The following ST18 variants were observed in gnomAD, a reference collection of about 807,000 sequenced individuals.
ST18 encodes the protein suppression of tumorigenicity 18 protein.
Under a neutral mutation model 110.0 loss-of-function variants are expected in ST18, and 50 were observed. The observed-to-expected ratio is 0.45, with a 90% CI of 0.36 to 0.58. The LOEUF (loss-of-function observed/expected upper bound fraction) is 0.58. Among genes scored for constraint, ST18 ranks in the 20% least tolerant of loss-of-function variants. ST18 has a pLI of 0.00. For missense variants in ST18, 1,306 were observed against 1,280.1 expected, an observed-to-expected ratio of 1.02 and a Z score of -0.31; for synonymous variants, 461 against 452.4, an observed-to-expected ratio of 1.02 and a Z score of -0.24.
intron 16 of ST18, among the ~76,000 whole-genome samples, chr8:52,147,292 CAAAA>C (rs2057580587): frequency 1.3e-5 from 2 of 151,932 alleles, no homozygotes; most frequent in Admixed American, 1.3e-4. Context: ...TGAAATTAAG[CAAAA>C]AACAAGATTA....
chr8:52,379,344 T>C (rs1332611221), intron 2 of ST18, among the ~76,000 whole-genome samples: 2 of 150,332 alleles, frequency 1.3e-5, no homozygotes, highest in African/African-American at 5.0e-5. Flanking sequence ...GTGAACCACC[T>C]GCCTTGGCCT....
chr8:52,252,775 GCCACATAATAATCA>G (rs1177834487), intron 2 of ST18, among the ~76,000 whole-genome samples: 2 of 151,898 alleles, frequency 1.3e-5, no homozygotes, highest in Non-Finnish European at 2.9e-5. Flanking sequence ...AGCCAAGAAG[GCCACATAATAATCA>G]CCACTGAGTA....
intron 2 of ST18, among the ~76,000 whole-genome samples, chr8:52,328,355 G>T (rs986715947): frequency 6.6e-6 from 1 of 152,168 alleles, no homozygotes; most frequent in Non-Finnish European, 1.5e-5. Flanking sequence ...ATATGGCCAC[G>T]AGGCTTAGAC....
chr8:52,292,872 T>C (rs2095576819), intron 2 of ST18, among the ~76,000 whole-genome samples: 1 of 152,160 alleles, frequency 6.6e-6, no homozygotes, highest in South Asian at 2.1e-4. Flanking sequence ...TCCCTTCCAA[T>C]AAAGAAGGGA....
Position 52,118,349 on chromosome 8 carries a change from G to A in ST18, c.2848C>T (p.Leu950Phe). 6.2e-7 allele frequency: 1 copy of A among 1,602,768 alleles called. No homozygotes were observed. The highest frequency in any genetic ancestry group is 2.2e-5 in the East Asian group (1 of 44,666). ...NLKIEADMMK[L>F]QTQITSMESN... ...CTTCTTTTTTTTACCTGGGTCTGAA[G>A]TTTCATCATATCTGCTTCAATTTTA... is the stretch of plus-strand genomic sequence containing the variant. Residue 950 changes from leucine (L) to phenylalanine (F), a missense_variant, in exon 24 of 26, where the codon CTT becomes TTT. By Grantham distance (22) the Leu-to-Phe change is conservative (BLOSUM62 0). Transcript: ENST00000689386.
At chr8:52,241,884 T>A (rs184974551) in intron 2 of ST18, among the ~76,000 whole-genome samples, 1 of 152,324 alleles carries the variant, frequency 6.6e-6, no homozygotes, top group East Asian at 1.9e-4. Context: ...CTTCCTTTTT[T>A]TTTTCCATTA....
intron 25 of ST18, 46 bp from the exon 26 acceptor site, chr8:52,113,384 T>C (rs2041141464): frequency 6.2e-7 from 1 of 1,601,282 alleles, no homozygotes. Flanking sequence ...TGGTTCAGGC[T>C]GAGGGAAAAG....
At chr8:52,148,635 G>A (rs2058009406) in intron 16 of ST18, among the ~76,000 whole-genome samples, 1 of 150,230 alleles carries the variant, frequency 6.7e-6, no homozygotes, top group East Asian at 2.0e-4. Context: ...TGGAGATGTT[G>A]GCAAAACTGT....
intron 8 of ST18, among the ~76,000 whole-genome samples, chr8:52,189,641 A>G (rs1167456843): frequency 1.3e-5 from 2 of 152,168 alleles, no homozygotes; most frequent in Non-Finnish European, 2.9e-5. Context: ...TTAAGGACCT[A>G]TGGTCGTTTA....
intron 2 of ST18, among the ~76,000 whole-genome samples, chr8:52,299,833 T>C (rs1204860068): frequency 6.6e-6 from 1 of 152,236 alleles, no homozygotes; most frequent in Non-Finnish European, 1.5e-5. Flanking sequence ...AGTTTACTTT[T>C]CTGCCACAGA....
chr8:52,288,998 A>T (rs1321969875), intron 2 of ST18, among the ~76,000 whole-genome samples: 1 of 152,138 alleles, frequency 6.6e-6, no homozygotes, highest in Non-Finnish European at 1.5e-5. Context: ...CCATTTTCCT[A>T]CATGACCATC....
intron 2 of ST18, among the ~76,000 whole-genome samples, chr8:52,382,539 C>T (rs988894190): frequency 6.6e-6 from 1 of 152,078 alleles, no homozygotes; most frequent in African/African-American, 2.4e-5. Flanking sequence ...TTTTCTTATT[C>T]TTTTTGTATA....
At chr8:52,162,001 G>A (rs1018428686) in intron 13 of ST18, among the ~76,000 whole-genome samples, 3 of 152,200 alleles carry the variant, frequency 2.0e-5, no homozygotes, top group Non-Finnish European at 4.4e-5. Context: ...TCTGAGCTCA[G>A]GAGTTCGAGA....
At chr8:52,179,351 CA>C (rs1170482282) in intron 9 of ST18, among the ~76,000 whole-genome samples, 1 of 152,156 alleles carries the variant, frequency 6.6e-6, no homozygotes, top group Non-Finnish European at 1.5e-5. Context: ...ACTTAGCACA[CA>C]AAAGGTGTTT....
At position 52,159,142 on chromosome 8, in the gene ST18, G is replaced by A. The variant is rs1045861783; in HGVS notation, c.1595-33C>T. ...AGAGAGATTTGATTAGCAATTGCAT[G>A]TACATGGTTTTAGTCATTAAACAGA... On this transcript the variant is annotated intron_variant, in intron 14 of 25. Coordinates refer to ENST00000689386, the MANE Select transcript of ST18 (RefSeq NM_001352837.2). 1.9e-6 allele frequency: 3 copies of A among 1,591,896 alleles called. No homozygotes were observed. The African/African-American group carries it at 4.0e-5, about 21-fold the overall frequency.
At chr8:52,173,845 G>A (rs2065919098) in intron 9 of ST18, among the ~76,000 whole-genome samples, 1 of 152,232 alleles carries the variant, frequency 6.6e-6, no homozygotes, top group South Asian at 2.1e-4. Flanking sequence ...GCCATCCGGT[G>A]TGAGCACTGA....
At chr8:52,294,640 C>G (rs568640413) in intron 2 of ST18, 1 of 152,254 alleles carries the variant, frequency 6.6e-6, no homozygotes, top group African/African-American at 2.4e-5. Context: ...CAGGCTTACA[C>G]CTTGCTCATA....
chr8:52,184,533 T>C (rs2071216955), intron 8 of ST18, among the ~76,000 whole-genome samples: 1 of 152,172 alleles, frequency 6.6e-6, no homozygotes, highest in African/African-American at 2.4e-5. Context: ...TGAAAAATCA[T>C]TGAAGCAAAC....
chr8:52,163,933 T>G (rs2062118425), intron 13 of ST18, 53 bp downstream of exon 13: 4 of 1,408,490 alleles, frequency 2.8e-6, no homozygotes, highest in African/African-American at 1.4e-5. Context: ...GAGGCCCCGC[T>G]GTGCAGGAGC....
Sources: gnomAD v4.1 joint callset for allele counts (sites outside exome capture counted in the v4.1 genomes callset) on GRCh38, gnomAD v4.1.1 for gene constraint, MANE v1.5 for transcripts, NCBI Gene and HGNC (gene_info 2026-07-23, HGNC 2026-07-21) for gene names.